The following SORCS3 variants were observed in gnomAD, a reference collection of about 807,000 sequenced individuals.
SORCS3 encodes the protein VPS10 domain-containing receptor SorCS3.
SORCS3 carries 57 observed loss-of-function variants against 146.3 expected under a neutral mutation model. The ratio of observed to expected loss-of-function variants is 0.39; its 90% confidence interval spans 0.31 to 0.49. SORCS3 has a LOEUF of 0.49. Among genes scored for constraint, SORCS3 ranks in the 20% least tolerant of loss-of-function variants. The pLI is 0.92. For synonymous variants in SORCS3, 653 were observed against 618.5 expected, an observed-to-expected ratio of 1.06 and a Z score of -0.83; for missense variants, 1,341 against 1,575.5, an observed-to-expected ratio of 0.85 and a Z score of 2.52.
chr10:104,645,465 A>G (rs1419114450), intron 1 of SORCS3, among the ~76,000 whole-genome samples: 2 of 152,166 alleles, frequency 1.3e-5, no homozygotes, highest in East Asian at 3.9e-4. Context: ...TTAACCCTTC[A>G]TGGGGCCCCC....
chr10:105,061,531 G>C (rs990435851), intron 5 of SORCS3, among the ~76,000 whole-genome samples: 11 of 151,622 alleles, frequency 7.3e-5, no homozygotes, highest in Non-Finnish European at 1.5e-4. Flanking sequence ...TCCTGACCTC[G>C]TGATCCACCT....
chr10:104,758,433 A>G (rs2017083883), intron 1 of SORCS3, among the ~76,000 whole-genome samples: 1 of 152,180 alleles, frequency 6.6e-6, no homozygotes, highest in South Asian at 2.1e-4. Context: ...ATGTTTATCA[A>G]GTGGTCACCC....
At chr10:105,246,200 T>C (rs2056865315) in intron 21 of SORCS3, among the ~76,000 whole-genome samples, 1 of 152,196 alleles carries the variant, frequency 6.6e-6, no homozygotes, top group South Asian at 2.1e-4. Flanking sequence ...TACTATCCTG[T>C]TCTCAACCCT....
chr10:105,043,159 T>C (rs1308621983), intron 5 of SORCS3, 31 bp downstream of exon 5: 1 of 1,589,288 alleles, frequency 6.3e-7, no homozygotes, highest in South Asian at 1.1e-5. Context: ...CATTACTTCT[T>C]AGATAAAGAA....
At chr10:104,999,402 A>G (rs1037791769) in intron 4 of SORCS3, among the ~76,000 whole-genome samples, 5 of 151,584 alleles carry the variant, frequency 3.3e-5, no homozygotes, top group Non-Finnish European at 7.4e-5. Context: ...GTTTTAGAAA[A>G]CTCTAGTTAT....
intron 16 of SORCS3, among the ~76,000 whole-genome samples, chr10:105,210,711 A>G (rs2056628399): frequency 6.6e-6 from 1 of 152,122 alleles, no homozygotes; most frequent in African/African-American, 2.4e-5. Context: ...GAATGACTCT[A>G]TGTGTCCATG....
intron 1 of SORCS3, among the ~76,000 whole-genome samples, chr10:104,841,597 A>G (rs765974863): frequency 2.6e-5 from 4 of 152,242 alleles, no homozygotes; most frequent in Non-Finnish European, 5.9e-5. Flanking sequence ...CTGGATGAGA[A>G]TAAATCTCAA....
chr10:104,839,008 T>G (rs1165257427), intron 1 of SORCS3, among the ~76,000 whole-genome samples: 2 of 152,186 alleles, frequency 1.3e-5, no homozygotes, highest in Non-Finnish European at 2.9e-5. Context: ...TGGGGCTCCA[T>G]TTTTTCATCT....
chr10:105,147,515 C>CT (rs1564766566), intron 8 of SORCS3, 102 bp from the exon 9 acceptor site: 2 of 1,038,762 alleles, frequency 1.9e-6, no homozygotes, highest in Non-Finnish European at 2.8e-6. Flanking sequence ...ATAACTCAAG[C>CT]TTTTTCTCAG....
At chr10:104,823,573 A>G (rs1359614907) in intron 1 of SORCS3, among the ~76,000 whole-genome samples, 3 of 151,752 alleles carry the variant, frequency 2.0e-5, no homozygotes, top group Non-Finnish European at 4.4e-5. Context: ...TTTCATCTTC[A>G]CTGATCCACC....
At chr10:104,721,513 G>T (rs1328357697) in intron 1 of SORCS3, among the ~76,000 whole-genome samples, 2 of 151,286 alleles carry the variant, frequency 1.3e-5, no homozygotes, top group African/African-American at 4.8e-5. Flanking sequence ...ATTCTGTGAA[G>T]AAAGTCATTG....
chr10:104,974,585 G>T (rs867440241), intron 3 of SORCS3, among the ~76,000 whole-genome samples: 1 of 152,088 alleles, frequency 6.6e-6, no homozygotes, highest in African/African-American at 2.4e-5. Context: ...GAGCCTACGT[G>T]TGTCTCTACA....
At chr10:104,688,666 A>G in intron 1 of SORCS3, among the ~76,000 whole-genome samples, 1 of 151,414 alleles carries the variant, frequency 6.6e-6, no homozygotes, top group East Asian at 2.0e-4. Flanking sequence ...TTCCTCCCCT[A>G]TCATTTTCTT....
chr10:105,164,921 G>A (rs2056299679), intron 12 of SORCS3, among the ~76,000 whole-genome samples: 1 of 152,140 alleles, frequency 6.6e-6, no homozygotes, highest in Non-Finnish European at 1.5e-5. Flanking sequence ...TGTTAATTCA[G>A]TTTTACAAAC....
chr10:104,923,532 C>T (rs1005729594), intron 3 of SORCS3, among the ~76,000 whole-genome samples: 1 of 152,216 alleles, frequency 6.6e-6, no homozygotes, highest in Non-Finnish European at 1.5e-5. Flanking sequence ...GTTCTATCAG[C>T]ATGAGCCAAT....
chr10:104,805,181 T>C (rs921043734), intron 1 of SORCS3, among the ~76,000 whole-genome samples: 1 of 152,166 alleles, frequency 6.6e-6, no homozygotes, highest in African/African-American at 2.4e-5. Context: ...TGTACACAAA[T>C]AACTAATACA....
intron 4 of SORCS3, among the ~76,000 whole-genome samples, chr10:105,039,451 C>CTTTTTTT (rs920662213): frequency 1.1e-4 from 11 of 96,544 alleles, no homozygotes; most frequent in African/African-American, 1.7e-4. Context: ...CTCTCGCTCT[C>CTTTTTTT]TTTTTTTTTT....
intron 1 of SORCS3, among the ~76,000 whole-genome samples, chr10:104,689,728 G>C (rs2016090936): frequency 6.6e-6 from 1 of 152,052 alleles, no homozygotes; most frequent in Non-Finnish European, 1.5e-5. Flanking sequence ...TGGCTTATCA[G>C]CTGCTTCACC....
At chr10:104,705,608 C>T (rs982555477) in intron 1 of SORCS3, among the ~76,000 whole-genome samples, 4 of 152,098 alleles carry the variant, frequency 2.6e-5, no homozygotes, top group East Asian at 1.9e-4. Flanking sequence ...AGAATGGACA[C>T]GGTTGGCTCC....
Sources: allele counts gnomAD v4.1 joint callset (sites outside exome capture counted in the v4.1 genomes callset), GRCh38; gene constraint gnomAD v4.1.1; transcripts MANE v1.5; gene names NCBI Gene and HGNC (gene_info 2026-07-23, HGNC 2026-07-21).